The following DCLK1 variants were observed in gnomAD, a reference collection of about 807,000 sequenced individuals.
DCLK1 encodes the protein doublecortin like kinase 1, also known as serine/threonine-protein kinase DCLK1.
Under a neutral mutation model 86.2 loss-of-function variants are expected in DCLK1, and 16 were observed. That is an observed-to-expected ratio of 0.19 (90% CI 0.13 to 0.28). The LOEUF is 0.28. Ranked by LOEUF, DCLK1 falls within the 10% of genes least tolerant of loss-of-function variation. DCLK1 has a pLI of 1.00. For synonymous variants in DCLK1, 369 were observed against 370.5 expected, an observed-to-expected ratio of 1.00 and a Z score of 0.05; for missense variants, 590 against 940.2, an observed-to-expected ratio of 0.63 and a Z score of 4.87.
At chr13:35,960,331 G>A (rs1280826440) in intron 3 of DCLK1, among the ~76,000 whole-genome samples, 1 of 152,136 alleles carries the variant, frequency 6.6e-6, no homozygotes, top group African/African-American at 2.4e-5. Flanking sequence ...CTGCCCAAAT[G>A]TTAAAAAACC....
intron 16 of DCLK1, among the ~76,000 whole-genome samples, chr13:35,777,031 C>G (rs2153097186): frequency 6.6e-6 from 1 of 152,316 alleles, no homozygotes; most frequent in South Asian, 2.1e-4. Flanking sequence ...CTTACTTGTC[C>G]TGCCTAGAAA....
At chr13:35,847,736 T>G (rs1870314672) in intron 6 of DCLK1, 1 of 985,094 alleles carries the variant, frequency 1.0e-6, no homozygotes, top group Non-Finnish European at 1.2e-6. Context: ...TATATATATA[T>G]AGTACATCAG....
At chr13:35,818,636 G>A (rs1026875931) in intron 11 of DCLK1, among the ~76,000 whole-genome samples, 1 of 152,108 alleles carries the variant, frequency 6.6e-6, no homozygotes. Flanking sequence ...GGTTAGTAAA[G>A]ATTTACTTTT....
intron 3 of DCLK1, among the ~76,000 whole-genome samples, chr13:36,027,264 A>T (rs988911219): frequency 6.6e-6 from 1 of 152,188 alleles, no homozygotes; most frequent in Non-Finnish European, 1.5e-5. Flanking sequence ...AGGAGCACTC[A>T]ACCTAGATCC....
At chr13:36,094,595 CAAT>C (rs759236723) in intron 3 of DCLK1, among the ~76,000 whole-genome samples, 1 of 152,260 alleles carries the variant, frequency 6.6e-6, no homozygotes, top group Non-Finnish European at 1.5e-5. Flanking sequence ...AGTTTCTAAG[CAAT>C]AATTATACTT....
intron 3 of DCLK1, among the ~76,000 whole-genome samples, chr13:35,953,405 G>C (rs1329335637): frequency 6.6e-6 from 1 of 152,036 alleles, no homozygotes; most frequent in Non-Finnish European, 1.5e-5. Context: ...CACATATATT[G>C]TATATTAATA....
At position 35,974,003 on chromosome 13, in the gene DCLK1, T is replaced by G. The variant is rs1388711655; in HGVS notation, c.724-26546A>C. On this transcript the variant is annotated intron_variant, in intron 3 of 16. Transcript: ENST00000360631. ...TTGAATAAGTTTATGCCCTGGTACC[T>G]CATTTTTCTGCAAAAAAATACAGGA... Among the ~76,000 whole-genome samples, 3 of 152,168 alleles carry G rather than the reference T, an allele frequency of 2.0e-5. No homozygotes were observed. The East Asian group carries it at 5.8e-4, about 29-fold the overall frequency.
rs994092703 is a variant in DCLK1, at chr13:35,773,246, A to G, written c.*1289T>C. 2 of 152,558 alleles carry G rather than the reference A, an allele frequency of 1.3e-5. No individual in the cohort carries two copies. The highest frequency in any genetic ancestry group is 2.9e-5 in the Non-Finnish European group (2 of 68,044). 9.5% of individuals were successfully genotyped at this position (152,558 alleles called of 1,614,324 possible). On this transcript the variant is annotated 3_prime_UTR_variant, in exon 17 of 17. Coordinates refer to ENST00000360631, the MANE Select transcript of DCLK1 (RefSeq NM_001330071.2). The stretch of plus-strand genomic sequence containing the variant: ...GTCTCAGACAGGACTTGGCCCAAAG[A>G]CAGAAAAAACACTCTGACCTCCTGG...
chr13:35,841,035 C>T (rs1404155914), intron 6 of DCLK1, among the ~76,000 whole-genome samples: 1 of 152,200 alleles, frequency 6.6e-6, no homozygotes, highest in Non-Finnish European at 1.5e-5. Flanking sequence ...CAGAAAAGCA[C>T]TAAGTAAATG....
chr13:35,919,897 C>A, intron 4 of DCLK1, among the ~76,000 whole-genome samples: 1 of 91,450 alleles, frequency 1.1e-5, no homozygotes, highest in Non-Finnish European at 2.1e-5. Context: ...TAGTAGCACT[C>A]TTGCGGGGGG....
At chr13:35,825,381 A>G (rs7329967) in intron 10 of DCLK1, among the ~76,000 whole-genome samples, 100,316 of 151,940 alleles carry the variant, frequency 0.66, 34,588 homozygotes, top group Non-Finnish European at 0.75. Flanking sequence ...GCTGGGCTAC[A>G]GAGACCTTCT....
chr13:35,865,393 A>G (rs1871718332), intron 5 of DCLK1, among the ~76,000 whole-genome samples: 1 of 152,232 alleles, frequency 6.6e-6, no homozygotes, highest in Non-Finnish European at 1.5e-5. Flanking sequence ...TTTAAGAAGC[A>G]GCTAGAAGTC....
At position 35,828,311 on chromosome 13, in the gene DCLK1, C is replaced by T. The variant is rs371562007; in HGVS notation, c.1230-4G>A. On this transcript the variant is annotated splice_region_variant and splice_polypyrimidine_tract_variant and intron_variant, in intron 8 of 16. Transcript: ENST00000360631. ...AGCATACTCTCTAGCAGTCGATCTGCGAAGAGAAAGTTCATGTTTTTAAAA... is the reference window on the plus strand; with the variant it reads ...AGCATACTCTCTAGCAGTCGATCTGTGAAGAGAAAGTTCATGTTTTTAAAA... The T allele has an allele frequency of 1.6e-5, 26 of 1,602,512 alleles. No homozygotes were observed. Among genetic ancestry groups the T allele is most frequent in the Non-Finnish European group, 2.0e-5 (24 of 1,177,366 alleles).
intron 4 of DCLK1, among the ~76,000 whole-genome samples, chr13:35,875,518 C>T (rs1872539839): frequency 6.6e-6 from 1 of 152,164 alleles, no homozygotes; most frequent in Non-Finnish European, 1.5e-5. Context: ...GACACTTTTC[C>T]AAGTACCAAA....
At chr13:35,814,838 A>C (rs2087233155) in intron 11 of DCLK1, among the ~76,000 whole-genome samples, 1 of 152,184 alleles carries the variant, frequency 6.6e-6, no homozygotes, top group South Asian at 2.1e-4. Context: ...GCTACACATA[A>C]TTGTGGGCTG....
intron 3 of DCLK1, among the ~76,000 whole-genome samples, chr13:36,094,036 C>T (rs1427838407): frequency 6.6e-6 from 1 of 152,052 alleles, no homozygotes; most frequent in African/African-American, 2.4e-5. Context: ...CTACAGGCAC[C>T]CAGCCAAAAA....
At chr13:35,828,168 T>C in intron 9 of DCLK1, 82 bp downstream of exon 9, 1 of 1,174,846 alleles carries the variant, frequency 8.5e-7, no homozygotes, top group Non-Finnish European at 1.3e-6. Context: ...TAGGGTGAAC[T>C]TGTATTTGTT....
At chr13:36,065,284 T>C (rs570633252) in intron 3 of DCLK1, among the ~76,000 whole-genome samples, 25 of 152,128 alleles carry the variant, frequency 1.6e-4, no homozygotes, top group African/African-American at 6.0e-4. Context: ...TTGTGAAGAG[T>C]AAATGAGACA....
chr13:36,120,105 A>AT (rs1885931912), intron 2 of DCLK1, among the ~76,000 whole-genome samples: 1 of 152,178 alleles, frequency 6.6e-6, no homozygotes, highest in East Asian at 1.9e-4. Context: ...CCATTAAAAT[A>AT]TTTTTTAAGT....
Sources: allele counts gnomAD v4.1 joint callset (sites outside exome capture counted in the v4.1 genomes callset), GRCh38; gene constraint gnomAD v4.1.1; transcripts MANE v1.5; gene names NCBI Gene and HGNC (gene_info 2026-07-23, HGNC 2026-07-21).